UBE4B: variants seen among roughly 807,000 people sequenced by gnomAD.
UBE4B encodes the protein ubiquitin conjugation factor E4 B.
UBE4B carries 27 observed loss-of-function variants against 148.1 expected under a neutral mutation model. That is an observed-to-expected ratio of 0.18 (90% CI 0.13 to 0.25). The LOEUF is 0.25. Among genes scored for constraint, UBE4B ranks in the 10% least tolerant of loss-of-function variants. The pLI, the probability that UBE4B is intolerant of heterozygous loss-of-function variation, is 1.00. For synonymous variants in UBE4B, 596 were observed against 619.3 expected (o/e 0.96, Z 0.56); for missense variants, 1,170 against 1,662.4 (o/e 0.70, Z 5.15).
intron 1 of UBE4B, among the ~76,000 whole-genome samples, chr1:10,054,072 T>TA (rs540017820): frequency 0.017 from 2,636 of 151,338 alleles, 33 homozygotes; most frequent in Non-Finnish European, 0.027. Context: ...AGATTTTTTT[T>TA]AAAAAAAAAG....
intron 1 of UBE4B, among the ~76,000 whole-genome samples, chr1:10,049,295 G>A (rs567848005): frequency 2.0e-5 from 3 of 152,268 alleles, no homozygotes; most frequent in Admixed American, 6.5e-5. Flanking sequence ...GGCTGCAGCT[G>A]GGGACACAGG....
chr1:10,115,205 C>T (rs896763468), intron 7 of UBE4B, among the ~76,000 whole-genome samples: 2 of 149,512 alleles, frequency 1.3e-5, no homozygotes, highest in African/African-American at 2.5e-5. Context: ...AGGCTGGTCT[C>T]GAACTCCTGA....
chr1:10,121,953 G>C lies in UBE4B; in HGVS notation c.1440-9G>C. 6.3e-7 allele frequency: 1 copy of C among 1,595,994 alleles called. No individual in the cohort carries two copies. Among genetic ancestry groups the C allele is most frequent in the African/African-American group, 1.3e-5 (1 of 74,418 alleles). On this transcript the variant is annotated splice_polypyrimidine_tract_variant and intron_variant, in intron 9 of 27. Transcript: ENST00000343090. ...TTCATCACCGTCCCTAATGTTCATGGGTCCACAGGTCCTTGCAGCAGCCGT... is the reference window on the plus strand; with the variant it reads ...TTCATCACCGTCCCTAATGTTCATGCGTCCACAGGTCCTTGCAGCAGCCGT...
intron 21 of UBE4B, among the ~76,000 whole-genome samples, chr1:10,156,886 AGAC>A (rs1211010740): frequency 1.3e-5 from 2 of 152,184 alleles, no homozygotes; most frequent in Non-Finnish European, 2.9e-5. Flanking sequence ...AAAATATCAA[AGAC>A]AAGGTATAGT....
intron 4 of UBE4B, among the ~76,000 whole-genome samples, chr1:10,102,467 A>G (rs1264699722): frequency 3.3e-5 from 4 of 120,644 alleles, no homozygotes; most frequent in African/African-American, 9.6e-5. Context: ...CTGGAGTGCA[A>G]TGGCGTGATC....
chr1:10,083,750 A>T (rs1644720383), intron 2 of UBE4B, among the ~76,000 whole-genome samples: 1 of 152,074 alleles, frequency 6.6e-6, no homozygotes, highest in South Asian at 2.1e-4. Context: ...CTTTTTGCTT[A>T]TTCATTTTAA....
intron 7 of UBE4B, among the ~76,000 whole-genome samples, chr1:10,114,872 A>G (rs1416779956): frequency 6.6e-6 from 1 of 152,112 alleles, no homozygotes; most frequent in African/African-American, 2.4e-5. Flanking sequence ...TCAAAAAAAA[A>G]GACACAATAA....
In UBE4B at chr1:10,101,150, G is replaced by A. The variant is rs1187666977; in HGVS notation, c.390G>A (p.Glu130=). 7 of 1,614,162 alleles carry A rather than the reference G, an allele frequency of 4.3e-6. No individual in the cohort carries two copies. Among genetic ancestry groups the A allele is most frequent in the Non-Finnish European group, 5.9e-6 (7 of 1,180,014 alleles). The change falls in exon 4 of 28, where the codon GAG becomes GAA. Residue 130 remains glutamate (E), a synonymous_variant. Coordinates refer to ENST00000343090, the MANE Select transcript of UBE4B (RefSeq NM_001105562.3). The part of the protein sequence containing the change: ...VDVDSGIENM[E]VDENDRREKR... ...TGGATTCAGGAATTGAAAACATGGA[G>A]GTTGATGAAAATGATCGAAGAGAAA...
chr1:10,065,566 G>C (rs904225313), intron 1 of UBE4B, among the ~76,000 whole-genome samples: 13 of 152,174 alleles, frequency 8.5e-5, no homozygotes, highest in Admixed American at 2.6e-4. Context: ...GTCACCGCTG[G>C]GCCAGTGTGG....
At chr1:10,135,331 C>T (rs1254632967) in intron 16 of UBE4B, 145 bp downstream of exon 16, 10 of 883,074 alleles carry the variant, frequency 1.1e-5, no homozygotes, top group South Asian at 1.7e-5. Context: ...GTAGGCCTGG[C>T]GTGGTGACTC....
intron 25 of UBE4B, among the ~76,000 whole-genome samples, chr1:10,171,967 AC>A (rs1646345926): frequency 6.6e-6 from 1 of 152,158 alleles, no homozygotes; most frequent in African/African-American, 2.4e-5. Context: ...TTGAGTTCTT[AC>A]CCCATCTTTT....
chr1:10,041,335 C>CTTT lies in UBE4B; in HGVS notation c.24+7657_24+7659dup, dbSNP rs573440480. ...AGCCAACTGTAACCTTTTTGGCATT[C>CTTT]TTTTTTTTTTTTTTTTTTGATGGAG... On this transcript the variant is annotated intron_variant, in intron 1 of 27. Transcript: ENST00000343090. 3.0e-3 allele frequency among the ~76,000 whole-genome samples: 390 copies of CTTT among 132,122 alleles called. 6 individuals carry two copies. The highest frequency in any genetic ancestry group is 0.012 in the Middle Eastern group (3 of 252). 86.7% of individuals were successfully genotyped at this position (132,122 alleles called of 152,430 possible).
At chr1:10,057,614 C>T (rs1184477000) in intron 1 of UBE4B, among the ~76,000 whole-genome samples, 1 of 150,680 alleles carries the variant, frequency 6.6e-6, no homozygotes, top group Non-Finnish European at 1.5e-5. Flanking sequence ...CTGTGTTCCC[C>T]AGGCTGGTTT....
rs565446952 is a variant in UBE4B, at chr1:10,100,834, G to T, written c.348-274G>T. ...CTCCCAAAGTGCTGGGATTACAGGC[G>T]TGAGCCACTGCACTCGGCCAATGAT... On this transcript the variant is annotated intron_variant, in intron 3 of 27. Transcript: ENST00000343090. 248 of 333,962 alleles carry T rather than the reference G, an allele frequency of 7.4e-4. 3 individuals are homozygous for T. Among genetic ancestry groups the T allele is most frequent in the South Asian group, 7.4e-3 (241 of 32,720 alleles). The allele number at this position is 333,962 out of a possible 1,614,324, so 20.7% of individuals were successfully genotyped here.
At chr1:10,175,621 A>G (rs529690242) in intron 25 of UBE4B, among the ~76,000 whole-genome samples, 5 of 152,268 alleles carry the variant, frequency 3.3e-5, no homozygotes, top group Middle Eastern at 3.4e-3. Flanking sequence ...ACTGCACTCC[A>G]GCCTGGGCGA....
chr1:10,033,741 A>T, intron 1 of UBE4B, 47 bp downstream of exon 1: 1 of 1,519,722 alleles, frequency 6.6e-7, no homozygotes, highest in South Asian at 1.3e-5. Context: ...GCAACTCGTT[A>T]GCGCTTTGGA....
chr1:10,104,791 T>A (rs924843959), intron 5 of UBE4B, among the ~76,000 whole-genome samples: 1 of 152,124 alleles, frequency 6.6e-6, no homozygotes, highest in African/African-American at 2.4e-5. Flanking sequence ...GAGTTAAAAC[T>A]TTTGTTAAAA....
intron 21 of UBE4B, among the ~76,000 whole-genome samples, chr1:10,152,705 C>T (rs965276331): frequency 6.6e-6 from 1 of 151,068 alleles, no homozygotes; most frequent in Non-Finnish European, 1.5e-5. Flanking sequence ...GGCCGAGGCA[C>T]GAGAATCGAG....
intron 2 of UBE4B, among the ~76,000 whole-genome samples, chr1:10,085,374 G>T (rs1291726481): frequency 1.3e-5 from 2 of 152,202 alleles, no homozygotes; most frequent in African/African-American, 4.8e-5. Context: ...AGGCGGTTCT[G>T]TTTAATCAAG....
Sources: gnomAD v4.1 joint callset for allele counts (sites outside exome capture counted in the v4.1 genomes callset) on GRCh38, gnomAD v4.1.1 for gene constraint, MANE v1.5 for transcripts, NCBI Gene and HGNC (gene_info 2026-07-23, HGNC 2026-07-21) for gene names.